The following GSAP variants were observed in gnomAD, a reference collection of about 807,000 sequenced individuals.
GSAP encodes gamma-secretase activating protein.
GSAP carries 118 observed loss-of-function variants against 131.7 expected under a neutral mutation model. That is an observed-to-expected ratio of 0.90 (90% confidence interval 0.77 to 1.04). The LOEUF is 1.04. GSAP is among the 50% of genes least tolerant of loss of function. The probability of loss-of-function intolerance (pLI) is 0.00; values close to 1 mark genes in which losing one functional copy is unlikely to be tolerated. For synonymous variants in GSAP, 381 were observed against 363.4 expected, an observed-to-expected ratio of 1.05 and a Z score of -0.55; for missense variants, 1,019 against 1,013.2, an observed-to-expected ratio of 1.01 and a Z score of -0.08.
At chr7:77,411,098 TAAAA>T (rs57255266) in intron 1 of GSAP, among the ~76,000 whole-genome samples, 321 of 108,830 alleles carry the variant, frequency 2.9e-3, no homozygotes, top group Non-Finnish European at 4.6e-3. Context: ...AAGAAAATAG[TAAAA>T]AAAAAAAAAA....
At chr7:77,347,376 A>G (rs1792071179) in intron 19 of GSAP, among the ~76,000 whole-genome samples, 2 of 152,168 alleles carry the variant, frequency 1.3e-5, no homozygotes, top group African/African-American at 4.8e-5. Context: ...ATGTCCCCCA[A>G]CCTGTGGGAT....
intron 12 of GSAP, among the ~76,000 whole-genome samples, chr7:77,366,458 G>A (rs1467230716): frequency 1.3e-5 from 2 of 152,140 alleles, no homozygotes; most frequent in Non-Finnish European, 2.9e-5. Context: ...TATATGGCTA[G>A]CCAGTTATCC....
intron 12 of GSAP, among the ~76,000 whole-genome samples, chr7:77,371,919 G>A (rs1355384655): frequency 6.6e-6 from 1 of 152,184 alleles, no homozygotes; most frequent in Non-Finnish European, 1.5e-5. Context: ...TAATTCAGAG[G>A]TTAAAATGTG....
chr7:77,370,327 G>A (rs1479262807), intron 12 of GSAP, among the ~76,000 whole-genome samples: 1 of 152,208 alleles, frequency 6.6e-6, no homozygotes, highest in African/African-American at 2.4e-5. Context: ...CAGGCATGGT[G>A]ATGTGTGCCT....
At chr7:77,319,503 T>TA (rs918205818) in intron 26 of GSAP, among the ~76,000 whole-genome samples, 4 of 151,744 alleles carry the variant, frequency 2.6e-5, no homozygotes, top group Non-Finnish European at 2.9e-5. Flanking sequence ...TCAAAAAATT[T>TA]AAAAAAAAGA....
intron 2 of GSAP, among the ~76,000 whole-genome samples, chr7:77,405,346 G>A (rs73362772): frequency 0.035 from 5,274 of 152,202 alleles, 304 homozygotes; most frequent in African/African-American, 0.12. Flanking sequence ...ACATATCTAC[G>A]TCTGAAGAGA....
Position 77,403,901 on chromosome 7 carries a change from T to G in GSAP, c.243+658A>C, listed in dbSNP as rs570809470. ...CAAAGAAATATAATTTTTTAGAAAA[T>G]AAAGTTGGTATTCCCACTCCTAGAT... On this transcript the variant is annotated intron_variant, in intron 3 of 30. Coordinates refer to ENST00000257626, the MANE Select transcript of GSAP (RefSeq NM_017439.4). 5.3e-5 allele frequency among the ~76,000 whole-genome samples: 8 copies of G among 152,214 alleles called. No homozygotes were observed. The South Asian group carries it at 1.7e-3, about 32-fold the overall frequency.
At chr7:77,389,560 T>G (rs1381302792) in intron 5 of GSAP, among the ~76,000 whole-genome samples, 5 of 152,070 alleles carry the variant, frequency 3.3e-5, no homozygotes, top group Non-Finnish European at 7.4e-5. Flanking sequence ...TGGGATAGTT[T>G]GCTGAGAATG....
chr7:77,350,747 G>GA (rs923609433), intron 18 of GSAP, among the ~76,000 whole-genome samples: 1 of 151,392 alleles, frequency 6.6e-6, no homozygotes, highest in African/African-American at 2.4e-5. Context: ...CGTCTCCAAA[G>GA]AAAAAAAAGA....
At chr7:77,319,150 A>G (rs1251301767) in intron 26 of GSAP, among the ~76,000 whole-genome samples, 1 of 152,198 alleles carries the variant, frequency 6.6e-6, no homozygotes, top group Non-Finnish European at 1.5e-5. Flanking sequence ...TGCAAACCAT[A>G]TATCTAACAA....
chr7:77,359,914 G>A (rs553232978), intron 14 of GSAP, among the ~76,000 whole-genome samples: 6 of 152,304 alleles, frequency 3.9e-5, no homozygotes, highest in Non-Finnish European at 7.4e-5. Context: ...TCTTATCACA[G>A]GAAGCAGTAG....
intron 1 of GSAP, among the ~76,000 whole-genome samples, chr7:77,408,839 G>A (rs996891329): frequency 6.6e-6 from 1 of 151,814 alleles, no homozygotes; most frequent in African/African-American, 2.4e-5. Flanking sequence ...CTGTAACTCA[G>A]CAAATTTCTG....
chr7:77,372,555 T>C (rs866030920), intron 12 of GSAP, among the ~76,000 whole-genome samples: 1 of 152,246 alleles, frequency 6.6e-6, no homozygotes, highest in African/African-American at 2.4e-5. Flanking sequence ...TTAGGTGTTA[T>C]GATGTCTGCA....
intron 5 of GSAP, among the ~76,000 whole-genome samples, chr7:77,391,136 A>G (rs1419985208): frequency 1.9e-4 from 29 of 148,856 alleles, no homozygotes; most frequent in Admixed American, 1.3e-3. Context: ...AAAAAAAAAA[A>G]AAAAAAAAAA....
intron 19 of GSAP, among the ~76,000 whole-genome samples, chr7:77,344,029 C>T (rs1485474417): frequency 6.6e-6 from 1 of 152,116 alleles, no homozygotes; most frequent in African/African-American, 2.4e-5. Flanking sequence ...CTCACATGCC[C>T]GGAGTCAGGA....
intron 24 of GSAP, among the ~76,000 whole-genome samples, chr7:77,323,391 T>C (rs1348619590): frequency 6.6e-6 from 1 of 152,236 alleles, no homozygotes; most frequent in Non-Finnish European, 1.5e-5. Context: ...ACTAAATTCA[T>C]TGTCCTATGC....
At chr7:77,384,096 A>G (rs1488157025) in intron 6 of GSAP, among the ~76,000 whole-genome samples, 1 of 152,262 alleles carries the variant, frequency 6.6e-6, no homozygotes, top group South Asian at 2.1e-4. Context: ...GATACTTTGT[A>G]TACCAGAGTT....
chr7:77,352,670 A>G (rs959956580), intron 18 of GSAP, among the ~76,000 whole-genome samples: 2 of 152,234 alleles, frequency 1.3e-5, no homozygotes, highest in African/African-American at 4.8e-5. Flanking sequence ...AAATAAAAAT[A>G]CCATGATAGA....
intron 19 of GSAP, among the ~76,000 whole-genome samples, chr7:77,335,245 C>CA (rs1405771145): frequency 2.6e-5 from 4 of 151,722 alleles, no homozygotes; most frequent in African/African-American, 9.7e-5. Flanking sequence ...ATTAAAAATG[C>CA]AAAAAATTAG....
Sources: allele counts gnomAD v4.1 joint callset (sites outside exome capture counted in the v4.1 genomes callset), GRCh38; gene constraint gnomAD v4.1.1; transcripts MANE v1.5; gene names NCBI Gene and HGNC (gene_info 2026-07-23, HGNC 2026-07-21).